Variants in SLC35A5 observed in about 807,000 individuals in gnomAD.
SLC35A5 encodes the protein UDP-sugar transporter protein SLC35A5.
SLC35A5 carries 28 observed loss-of-function variants against 36.3 expected under a neutral mutation model. The observed-to-expected ratio is 0.77, with a 90% CI of 0.57 to 1.06. The LOEUF (loss-of-function observed/expected upper bound fraction) is 1.06. Among genes scored for constraint, SLC35A5 ranks in the 50% least tolerant of loss-of-function variants. The pLI is 0.00. For missense variants in SLC35A5, 521 were observed against 499.3 expected (o/e 1.04, Z -0.41); for synonymous variants, 180 against 173.7 (o/e 1.04, Z -0.29).
upstream of SLC35A5, chr3:112,561,611 C>G: frequency 7.2e-7 from 1 of 1,384,892 alleles, no homozygotes; most frequent in Non-Finnish European, 9.9e-7. Context: ...AAAATGTCCT[C>G]GCTGCCACCG....
intron 4 of SLC35A5, among the ~76,000 whole-genome samples, chr3:112,571,276 G>A (rs150986166): frequency 7.4e-4 from 113 of 152,256 alleles, no homozygotes; most frequent in Middle Eastern, 3.4e-3. Flanking sequence ...TTAGTAATCC[G>A]AGCTGGAGTT....
chr3:112,575,794 C>T (rs1934644066), intron 5 of SLC35A5, among the ~76,000 whole-genome samples: 3 of 132,926 alleles, frequency 2.3e-5, no homozygotes, highest in Admixed American at 1.7e-4. Context: ...GAGTCTTACT[C>T]TGTCACCCAG....
chr3:112,577,007 A>G (rs1285106518), intron 5 of SLC35A5, among the ~76,000 whole-genome samples: 7 of 152,024 alleles, frequency 4.6e-5, no homozygotes, highest in African/African-American at 1.4e-4. Flanking sequence ...TGATTGTATC[A>G]GAACTATCAA....
chr3:112,564,636 C>T (rs1347901277), intron 2 of SLC35A5, among the ~76,000 whole-genome samples: 3 of 152,088 alleles, frequency 2.0e-5, no homozygotes, highest in African/African-American at 4.8e-5. Flanking sequence ...TTACAGGTGT[C>T]GGGCTGGGGG....
upstream of SLC35A5, chr3:112,561,650 CCG>C: frequency 4.9e-6 from 5 of 1,017,218 alleles, no homozygotes; most frequent in Non-Finnish European, 7.2e-6. Flanking sequence ...CTGGCAGCAC[CCG>C]AGGGGACGGG....
At chr3:112,564,804 T>G (rs1488582016) in intron 2 of SLC35A5, among the ~76,000 whole-genome samples, 10 of 152,214 alleles carry the variant, frequency 6.6e-5, no homozygotes. Context: ...TGATGACTCT[T>G]AACGAGCATG....
At chr3:112,570,331 A>G (rs1270321636) in intron 3 of SLC35A5, 6 of 389,076 alleles carry the variant, frequency 1.5e-5, no homozygotes, top group African/African-American at 2.1e-5. Context: ...TGTTATCTCA[A>G]ATTAACAGGA....
chr3:112,566,494 AAAAT>A (rs1206672455), intron 2 of SLC35A5, among the ~76,000 whole-genome samples: 5 of 152,358 alleles, frequency 3.3e-5, no homozygotes, highest in Middle Eastern at 6.8e-3. Context: ...GCAGAATGAG[AAAAT>A]AAAGAGGGCC....
chr3:112,565,395 CAG>C (rs1469650294), intron 2 of SLC35A5, among the ~76,000 whole-genome samples: 2 of 152,162 alleles, frequency 1.3e-5, no homozygotes, highest in African/African-American at 2.4e-5. Flanking sequence ...GGATTCAAAA[CAG>C]AGGCAACAGC....
In SLC35A5 at chr3:112,570,044, A is replaced by C. The variant is rs149434179; in HGVS notation, c.230-496A>C. 2.2e-3 allele frequency among the ~76,000 whole-genome samples: 337 copies of C among 152,310 alleles called. 2 individuals carry two copies. The highest frequency in any genetic ancestry group is 7.6e-3 in the African/African-American group (315 of 41,572). ...TGCCTTTGTTTTCTTTTTGTTTTAC[A>C]TTCTCTCTGCTACAGTGCCTAAGTT... On this transcript the variant is annotated intron_variant, in intron 3 of 6. Transcript: ENST00000492406.
chr3:112,580,873 G>C lies in SLC35A5; in HGVS notation c.756G>C (p.Lys252Asn). 6.2e-7 allele frequency: 1 copy of C among 1,614,146 alleles called. No homozygotes were observed. The highest frequency in any genetic ancestry group is 8.5e-7 in the Non-Finnish European group (1 of 1,180,004). Residue 252 changes from lysine (K) to asparagine (N), a missense_variant, in exon 6 of 7, where the codon AAG (lysine) becomes AAC (asparagine). Coordinates refer to ENST00000492406, the MANE Select transcript of SLC35A5 (RefSeq NM_017945.5). ...ISSMANIYNE[K>N]ILKEGNQLTE... is the part of the protein sequence containing the mutation. Reference sequence around the variant, plus strand: ...CAATGGCTAATATCTATAATGAAAAGATACTGAAGGAAGGGAACCAGCTCA... The same window carrying C: ...CAATGGCTAATATCTATAATGAAAACATACTGAAGGAAGGGAACCAGCTCA...
In SLC35A5 at chr3:112,580,823, A is replaced by G. The variant is rs758430161; in HGVS notation, c.706A>G (p.Ile236Val). Residue 236 changes from isoleucine to valine, a missense_variant, in exon 6 of 7, where the codon ATT becomes GTT. Coordinates refer to ENST00000492406, the MANE Select transcript of SLC35A5 (RefSeq NM_017945.5). ...CCGTCTTGGCATGGGCCATGTTCTT[A>G]TTATAGTCCAGTGTTTTATTTCTTC... is the stretch of plus-strand genomic sequence containing the variant. ...HIRLGMGHVL[I>V]IVQCFISSMA... is the part of the protein sequence containing the mutation. The G allele has an allele frequency of 3.1e-6, 5 of 1,614,174 alleles. No homozygotes were observed. The highest frequency in any genetic ancestry group is 1.1e-5 in the South Asian group (1 of 91,086).
chr3:112,561,921 T>A (rs894012775), upstream of SLC35A5: 6 of 228,096 alleles, frequency 2.6e-5, no homozygotes, highest in African/African-American at 4.7e-5. Flanking sequence ...CTTCTCACTC[T>A]CTTGCCGTAG....
chr3:112,581,869 T>G (rs1934947466), intron 6 of SLC35A5, among the ~76,000 whole-genome samples: 1 of 152,194 alleles, frequency 6.6e-6, no homozygotes, highest in South Asian at 2.1e-4. Context: ...TTTATTTCAC[T>G]AGAAAGGTAG....
At chr3:112,574,210 T>C (rs1333082752) in intron 5 of SLC35A5, among the ~76,000 whole-genome samples, 1 of 152,258 alleles carries the variant, frequency 6.6e-6, no homozygotes, top group Non-Finnish European at 1.5e-5. Flanking sequence ...TTATAATTAG[T>C]ATTTTCATAT....
chr3:112,571,022 A>G (rs1464812284), intron 4 of SLC35A5, among the ~76,000 whole-genome samples: 4 of 152,198 alleles, frequency 2.6e-5, no homozygotes, highest in Non-Finnish European at 5.9e-5. Context: ...GACCTCATCC[A>G]AGAAAACTTC....
At chr3:112,572,972 T>G (rs1934512488) in intron 4 of SLC35A5, among the ~76,000 whole-genome samples, 1 of 152,198 alleles carries the variant, frequency 6.6e-6, no homozygotes, top group Non-Finnish European at 1.5e-5. Context: ...TGAGAAAACC[T>G]TAAAATGGTG....
rs1380122352 is a variant in SLC35A5, at chr3:112,584,115, A to G, written c.*1379A>G. The G allele has an allele frequency of 6.6e-6, 1 of 152,176 alleles. No homozygotes were observed. The highest frequency in any genetic ancestry group is 1.5e-5 in the Non-Finnish European group (1 of 68,010). The allele number at this position is 152,176 out of a possible 1,614,324, so 9.4% of individuals were successfully genotyped here. On this transcript the variant is annotated 3_prime_UTR_variant, in exon 7 of 7. Coordinates refer to ENST00000492406, the MANE Select transcript of SLC35A5 (RefSeq NM_017945.5). ...GATATCCACAATAATATGACTGGCA[A>G]GAATTGGTGGAAATTTGTAATTAAA...
intron 4 of SLC35A5, 72 bp downstream of exon 4, chr3:112,570,742 T>TTA (rs398052196): frequency 7.1e-7 from 1 of 1,410,690 alleles, no homozygotes; most frequent in Admixed American, 2.6e-5. Flanking sequence ...TTTTTTTTTT[T>TTA]ATCATTTTTG....
Sources: allele counts gnomAD v4.1 joint callset (sites outside exome capture counted in the v4.1 genomes callset), GRCh38; gene constraint gnomAD v4.1.1; transcripts MANE v1.5; gene names NCBI Gene and HGNC (gene_info 2026-07-23, HGNC 2026-07-21).